The following DPF3 variants were observed in gnomAD, a reference collection of about 807,000 sequenced individuals.
DPF3 encodes the protein double PHD fingers 3, also known as zinc finger protein DPF3.
Under a neutral mutation model 56.8 loss-of-function variants are expected in DPF3, and 18 were observed. That is an observed-to-expected ratio of 0.32 (90% CI 0.22 to 0.47). The LOEUF is 0.47. Among genes scored for constraint, DPF3 ranks in the 20% least tolerant of loss-of-function variants. The pLI, the probability that DPF3 is intolerant of heterozygous loss-of-function variation, is 1.00. For missense variants in DPF3, 403 were observed against 488.8 expected, an observed-to-expected ratio of 0.82 and a Z score of 1.65; for synonymous variants, 188 against 180.2, an observed-to-expected ratio of 1.04 and a Z score of -0.35.
intron 8 of DPF3, chr14:72,669,905 A>G (rs1163464229): frequency 2.0e-6 from 2 of 985,908 alleles, no homozygotes; most frequent in Non-Finnish European, 2.4e-6. Context: ...TAAAAAATAG[A>G]TATGATGGTT....
chr14:72,673,150 C>T (rs1886764931), intron 8 of DPF3, among the ~76,000 whole-genome samples: 1 of 152,180 alleles, frequency 6.6e-6, no homozygotes, highest in Admixed American at 6.5e-5. Context: ...AAGCCCTAAA[C>T]AGCCCTACCA....
At chr14:72,826,639 A>C (rs1038117985) in intron 1 of DPF3, among the ~76,000 whole-genome samples, 3 of 152,228 alleles carry the variant, frequency 2.0e-5, no homozygotes, top group Non-Finnish European at 2.9e-5. Flanking sequence ...GCAAACATTC[A>C]TGAACACCTA....
chr14:72,849,030 C>A (rs923173164), intron 1 of DPF3, among the ~76,000 whole-genome samples: 5 of 152,182 alleles, frequency 3.3e-5, no homozygotes, highest in Non-Finnish European at 5.9e-5. Context: ...TCCAGATGAA[C>A]AAACCAGGCC....
Position 72,619,196 on chromosome 14 carries a change from A to C in DPF3, c.*101T>G. The C allele has an allele frequency of 3.4e-6, 4 of 1,171,964 alleles. No individual in the cohort carries two copies. Among genetic ancestry groups the C allele is most frequent in the Non-Finnish European group, 4.8e-6 (4 of 839,406 alleles). The allele number at this position is 1,171,964 out of a possible 1,614,324, so 72.6% of individuals were successfully genotyped here. On this transcript the variant is annotated 3_prime_UTR_variant, in exon 11 of 11. Transcript: ENST00000556509. The stretch of plus-strand genomic sequence containing the variant: ...CTCTGGGACTATTTCTTTTCCTTGC[A>C]GTTGGTCTGGCTGGATATGTGGGAG...
intron 2 of DPF3, among the ~76,000 whole-genome samples, chr14:72,768,570 C>G (rs1187861666): frequency 6.6e-6 from 1 of 152,086 alleles, no homozygotes; most frequent in Non-Finnish European, 1.5e-5. Flanking sequence ...GATAGGGGAT[C>G]TCTATTATAT....
rs145838322 is a variant in DPF3 at position 72,650,120 on chromosome 14, A to G, written c.872-20384T>C. Among the ~76,000 whole-genome samples the G allele has an allele frequency of 7.2e-5, 11 of 152,112 alleles. No homozygotes were observed. The East Asian group carries it at 2.2e-3, about 30-fold the overall frequency. ...TCTCCACAACCCTCCCGCCCCATCC[A>G]CACTCCACACTGCCCTTGAGGGAAA... On this transcript the variant is annotated intron_variant, in intron 8 of 10. Coordinates refer to ENST00000556509, the MANE Select transcript of DPF3 (RefSeq NM_001280542.3).
chr14:72,755,018 A>T (rs1599412102), intron 2 of DPF3, among the ~76,000 whole-genome samples: 1 of 152,166 alleles, frequency 6.6e-6, no homozygotes, highest in Non-Finnish European at 1.5e-5. Flanking sequence ...GGACTCATCC[A>T]CCCAGATCCA....
intron 8 of DPF3, among the ~76,000 whole-genome samples, chr14:72,647,814 G>A (rs896324925): frequency 2.6e-5 from 4 of 152,170 alleles, no homozygotes; most frequent in African/African-American, 9.7e-5. Context: ...CAAAAATCAC[G>A]AGGAGGTGGC....
At chr14:72,711,365 A>G (rs913727324) in intron 6 of DPF3, among the ~76,000 whole-genome samples, 2 of 152,156 alleles carry the variant, frequency 1.3e-5, no homozygotes, top group East Asian at 1.9e-4. Context: ...TTGAGACTCA[A>G]TGGGACCAAA....
intron 1 of DPF3, among the ~76,000 whole-genome samples, chr14:72,837,506 G>C (rs1398482223): frequency 6.6e-6 from 1 of 152,052 alleles, no homozygotes; most frequent in Non-Finnish European, 1.5e-5. Context: ...GGGAAGCCGA[G>C]GCGGGTGGAT....
At chr14:72,672,048 C>CAG (rs1567195999) in intron 8 of DPF3, among the ~76,000 whole-genome samples, 1 of 121,458 alleles carries the variant, frequency 8.2e-6, no homozygotes, top group African/African-American at 3.4e-5. Flanking sequence ...CACACACACA[C>CAG]ACACACACAC....
intron 2 of DPF3, among the ~76,000 whole-genome samples, chr14:72,756,320 C>T (rs754728519): frequency 6.6e-6 from 1 of 152,230 alleles, no homozygotes; most frequent in Non-Finnish European, 1.5e-5. Context: ...AAAACTCACA[C>T]ACTTGCTGGG....
chr14:72,685,436 G>T (rs959193846), intron 7 of DPF3, among the ~76,000 whole-genome samples: 1 of 152,218 alleles, frequency 6.6e-6, no homozygotes, highest in Admixed American at 6.5e-5. Context: ...ATGAGGTGAT[G>T]TGTGTAAAAT....
intron 1 of DPF3, among the ~76,000 whole-genome samples, chr14:72,884,824 C>T (rs577531691): frequency 3.3e-5 from 5 of 150,428 alleles, no homozygotes; most frequent in South Asian, 2.1e-4. Context: ...AGGCTGGGCA[C>T]GGTGGCTCAC....
At chr14:72,698,173 C>T (rs911273537) in intron 6 of DPF3, among the ~76,000 whole-genome samples, 3 of 152,118 alleles carry the variant, frequency 2.0e-5, no homozygotes, top group Non-Finnish European at 2.9e-5. Context: ...ACAGACAGTC[C>T]GCAATTTACA....
chr14:72,838,905 A>ATATATATATATTTTTTTTTTTTTTTTT, intron 1 of DPF3, among the ~76,000 whole-genome samples: 1 of 64,480 alleles, frequency 1.6e-5, no homozygotes, highest in African/African-American at 6.7e-5. Context: ...TATCATATAT[A>ATATATATATATTTTTTTTTTTTTTTTT]TTCTTTTTTT....
At chr14:72,811,525 G>A (rs1883044578) in intron 1 of DPF3, among the ~76,000 whole-genome samples, 1 of 152,074 alleles carries the variant, frequency 6.6e-6, no homozygotes, top group African/African-American at 2.4e-5. Flanking sequence ...AAATTTCTGT[G>A]AAGTTACCCA....
chr14:72,758,739 A>G (rs1011277247), intron 2 of DPF3, among the ~76,000 whole-genome samples: 16 of 152,226 alleles, frequency 1.1e-4, no homozygotes, highest in African/African-American at 3.9e-4. Context: ...CCTCACTAAT[A>G]GGGAATACTT....
intron 1 of DPF3, among the ~76,000 whole-genome samples, chr14:72,796,591 A>C (rs1892655180): frequency 1.3e-5 from 2 of 152,210 alleles, no homozygotes; most frequent in Non-Finnish European, 2.9e-5. Context: ...AACCTTTGGC[A>C]TGTTGGATTT....
Sources: gnomAD v4.1 joint callset for allele counts (sites outside exome capture counted in the v4.1 genomes callset) on GRCh38, gnomAD v4.1.1 for gene constraint, MANE v1.5 for transcripts, NCBI Gene and HGNC (gene_info 2026-07-23, HGNC 2026-07-21) for gene names.